CSMD1: variants seen among roughly 807,000 people sequenced by gnomAD.
CSMD1 encodes the protein CUB and sushi domain-containing protein 1.
In CSMD1, 213 loss-of-function variants were observed where a neutral mutation model predicts 417.5. That is an observed-to-expected ratio of 0.51 (90% CI 0.46 to 0.57). The LOEUF is 0.57. Ranked by LOEUF, CSMD1 falls within the 20% of genes least tolerant of loss-of-function variation. The probability of loss-of-function intolerance (pLI) is 0.00; values close to 1 mark genes in which losing one functional copy is unlikely to be tolerated. For synonymous variants in CSMD1, 2,862 were observed against 1,736.8 expected, an observed-to-expected ratio of 1.65 and a Z score of -16.11; for missense variants, 6,923 against 4,529.7, an observed-to-expected ratio of 1.53 and a Z score of -15.17.
chr8:4,632,398 G>C (rs1193064662), intron 2 of CSMD1, among the ~76,000 whole-genome samples: 6 of 152,090 alleles, frequency 3.9e-5, no homozygotes, highest in Non-Finnish European at 8.8e-5. Flanking sequence ...TGTAATCCCA[G>C]TTACTCAGGA....
At chr8:4,968,019 T>C (rs988448885) in intron 1 of CSMD1, among the ~76,000 whole-genome samples, 3 of 152,158 alleles carry the variant, frequency 2.0e-5, no homozygotes, top group East Asian at 3.8e-4. Flanking sequence ...TTTTATATAA[T>C]TGAATCTGAC....
intron 3 of CSMD1, among the ~76,000 whole-genome samples, chr8:4,052,184 G>A (rs1324091639): frequency 1.3e-5 from 2 of 152,126 alleles, no homozygotes; most frequent in African/African-American, 2.4e-5. Flanking sequence ...CTTGGCCTCC[G>A]AAAGTGCTGG....
chr8:3,881,985 C>A (rs1239967435), intron 5 of CSMD1, among the ~76,000 whole-genome samples: 1 of 152,014 alleles, frequency 6.6e-6, no homozygotes, highest in Non-Finnish European at 1.5e-5. Context: ...TTCCAATAAC[C>A]AATCACGAGA....
At chr8:4,987,579 T>TA (rs1161290243) in intron 1 of CSMD1, among the ~76,000 whole-genome samples, 1 of 152,020 alleles carries the variant, frequency 6.6e-6, no homozygotes, top group Non-Finnish European at 1.5e-5. Context: ...AAGTAAAAAA[T>TA]AAAAAGCACT....
intron 3 of CSMD1, among the ~76,000 whole-genome samples, chr8:4,235,635 G>T (rs1802000585): frequency 6.6e-6 from 1 of 152,084 alleles, no homozygotes; most frequent in Admixed American, 6.6e-5. Context: ...ACTTACTGAG[G>T]ACCTGAAATG....
Position 4,772,817 on chromosome 8 carries a change from C to T in CSMD1, c.86-135259G>A, listed in dbSNP as rs574759776. On this transcript the variant is annotated intron_variant, in intron 1 of 69. Transcript: ENST00000635120. ...GTACTCATCTAATTTCGGATACTAA[C>T]ATTTCCTAAGTTTGATATGTATGTC... 1.6e-4 allele frequency among the ~76,000 whole-genome samples: 25 copies of T among 152,292 alleles called. No homozygotes were observed. In the South Asian group the frequency reaches 5.2e-3, roughly 32 times the overall value.
intron 1 of CSMD1, among the ~76,000 whole-genome samples, chr8:4,872,452 A>T (rs1802791072): frequency 6.6e-6 from 1 of 151,970 alleles, no homozygotes; most frequent in Non-Finnish European, 1.5e-5. Flanking sequence ...TTATAAGAGG[A>T]TTCCTCCCAT....
chr8:4,877,016 CAGAA>C (rs1464420265), intron 1 of CSMD1, among the ~76,000 whole-genome samples: 16 of 151,960 alleles, frequency 1.1e-4, no homozygotes, highest in Non-Finnish European at 2.2e-4. Flanking sequence ...AAGAGTTTCT[CAGAA>C]AGAAAAATAA....
In CSMD1 at chr8:4,441,107, T is replaced by TTG. The variant is rs980556694; in HGVS notation, c.303-21043_303-21042insCA. 5.6e-5 allele frequency among the ~76,000 whole-genome samples: 7 copies of TTG among 125,026 alleles called. 1 individual carries two copies. Among genetic ancestry groups the TTG allele is most frequent in the African/African-American group, 2.0e-4 (7 of 34,912 alleles). The allele number at this position is 125,026 out of a possible 152,430, so 82.0% of individuals were successfully genotyped here. A position where few individuals can be genotyped will look rare whatever the true frequency, so the allele number is the denominator to read the frequency against. On this transcript the variant is annotated intron_variant, in intron 2 of 69. Coordinates refer to ENST00000635120, the MANE Select transcript of CSMD1 (RefSeq NM_033225.6). ...CGTTAATCAAAAGGTTTTTTTTTTT[T>TTG]TTTTTTTTTTTAAGAGATAGGGTCT...
At chr8:3,248,296 C>T (rs577371091) in intron 26 of CSMD1, among the ~76,000 whole-genome samples, 3 of 119,930 alleles carry the variant, frequency 2.5e-5, no homozygotes, top group East Asian at 4.4e-4. Context: ...CAGGACAGTA[C>T]TGGCTTGCAC....
rs1490636119 is a variant in CSMD1, at chr8:4,186,533, C to A, written c.416-154434G>T. Among the ~76,000 whole-genome samples, 3 of 152,066 alleles carry A rather than the reference C, an allele frequency of 2.0e-5. No individual in the cohort carries two copies. The East Asian group carries it at 5.8e-4, about 29-fold the overall frequency. On this transcript the variant is annotated intron_variant, in intron 3 of 69. Transcript: ENST00000635120. Reference sequence around the variant, plus strand: ...TACTTATTTTGAAAACTGGTGACTTCACAGCATTATACGAATATAAAAGAC... The same window carrying A: ...TACTTATTTTGAAAACTGGTGACTTAACAGCATTATACGAATATAAAAGAC...
intron 1 of CSMD1, among the ~76,000 whole-genome samples, chr8:4,683,630 C>T (rs752633618): frequency 6.6e-6 from 1 of 152,206 alleles, no homozygotes; most frequent in Non-Finnish European, 1.5e-5. Context: ...TGACGAGGAA[C>T]CTCGCAGAGA....
At chr8:4,246,188 CA>C (rs1178617869) in intron 3 of CSMD1, among the ~76,000 whole-genome samples, 1 of 152,146 alleles carries the variant, frequency 6.6e-6, no homozygotes, top group Non-Finnish European at 1.5e-5. Flanking sequence ...TTCCATCCTC[CA>C]AAAGGCCCCA....
At chr8:4,184,632 A>G (rs939850850) in intron 3 of CSMD1, among the ~76,000 whole-genome samples, 4 of 152,116 alleles carry the variant, frequency 2.6e-5, no homozygotes, top group Non-Finnish European at 5.9e-5. Context: ...AAATGTTCTC[A>G]TTTATAAGTT....
intron 2 of CSMD1, among the ~76,000 whole-genome samples, chr8:4,615,451 A>G (rs1801421192): frequency 1.3e-5 from 2 of 152,294 alleles, no homozygotes; most frequent in South Asian, 4.1e-4. Context: ...AATGCAGACC[A>G]ATTTCCTCAT....
At chr8:4,249,494 T>A (rs1292437093) in intron 3 of CSMD1, among the ~76,000 whole-genome samples, 1 of 152,210 alleles carries the variant, frequency 6.6e-6, no homozygotes, top group Admixed American at 6.5e-5. Context: ...TTTTATTTAA[T>A]GCGGAAGGAT....
chr8:2,978,995 C>G (rs557118608), intron 54 of CSMD1, among the ~76,000 whole-genome samples, 195 bp from the exon 55 acceptor site: 1 of 152,204 alleles, frequency 6.6e-6, no homozygotes, highest in Non-Finnish European at 1.5e-5. Flanking sequence ...GTGTCAAGAA[C>G]TGGTCGACCA....
At chr8:4,156,750 T>C (rs1796856099) in intron 3 of CSMD1, among the ~76,000 whole-genome samples, 1 of 152,140 alleles carries the variant, frequency 6.6e-6, no homozygotes, top group Non-Finnish European at 1.5e-5. Flanking sequence ...CTTCAACCTT[T>C]GAACAGGAAA....
chr8:3,886,723 T>A (rs575435617), intron 5 of CSMD1, among the ~76,000 whole-genome samples: 1 of 152,272 alleles, frequency 6.6e-6, no homozygotes, highest in South Asian at 2.1e-4. Context: ...ATCTAGTGCC[T>A]CTAAGATGGC....
Sources: gnomAD v4.1 joint callset for allele counts (sites outside exome capture counted in the v4.1 genomes callset) on GRCh38, gnomAD v4.1.1 for gene constraint, MANE v1.5 for transcripts, NCBI Gene and HGNC (gene_info 2026-07-23, HGNC 2026-07-21) for gene names.